EYA1: variants seen among roughly 807,000 people sequenced by gnomAD.
EYA1 encodes EYA transcriptional coactivator and phosphatase 1, also known as protein phosphatase EYA1.
Under a neutral mutation model 82.0 loss-of-function variants are expected in EYA1, and 16 were observed. The observed-to-expected ratio is 0.20, with a 90% confidence interval of 0.13 to 0.30. EYA1 has a LOEUF of 0.30. EYA1 is among the 10% of genes least tolerant of loss of function. The pLI is 1.00. For synonymous variants in EYA1, 261 were observed against 264.4 expected (o/e 0.99, Z 0.12); for missense variants, 633 against 730.7 (o/e 0.87, Z 1.54).
chr8:71,424,759 G>T (rs970136933), intron 2 of EYA1, among the ~76,000 whole-genome samples: 4 of 152,030 alleles, frequency 2.6e-5, no homozygotes, highest in Non-Finnish European at 5.9e-5. Flanking sequence ...TGACATTCCA[G>T]GTCTCTGTTC....
chr8:71,429,099 A>G (rs1461699811), intron 2 of EYA1, among the ~76,000 whole-genome samples: 1 of 152,146 alleles, frequency 6.6e-6, no homozygotes, highest in Non-Finnish European at 1.5e-5. Flanking sequence ...TTTAAATGCA[A>G]TGCCTCATAT....
intron 2 of EYA1, among the ~76,000 whole-genome samples, chr8:71,425,851 A>G (rs1349043641): frequency 6.6e-6 from 1 of 152,226 alleles, no homozygotes; most frequent in Non-Finnish European, 1.5e-5. Context: ...CAGCACTGAG[A>G]GGAGCCACTG....
intron 12 of EYA1, among the ~76,000 whole-genome samples, chr8:71,233,474 GA>G (rs758155676): frequency 2.7e-5 from 4 of 150,710 alleles, no homozygotes; most frequent in South Asian, 4.2e-4. Context: ...TGAGGCAGGA[GA>G]ATGGCATGAA....
chr8:71,383,159 C>A (rs1388932380), intron 2 of EYA1, among the ~76,000 whole-genome samples: 2 of 151,830 alleles, frequency 1.3e-5, no homozygotes, highest in Non-Finnish European at 2.9e-5. Context: ...ATTTACATGA[C>A]ATACCATTTT....
At chr8:71,414,852 C>G (rs1830776952) in intron 2 of EYA1, among the ~76,000 whole-genome samples, 1 of 152,180 alleles carries the variant, frequency 6.6e-6, no homozygotes. Flanking sequence ...TACAGAAAAT[C>G]TTTATGTGAT....
chr8:71,370,774 C>A (rs1026523798), intron 2 of EYA1, among the ~76,000 whole-genome samples: 3 of 151,690 alleles, frequency 2.0e-5, no homozygotes, highest in Non-Finnish European at 2.9e-5. Flanking sequence ...GCACTTACCA[C>A]CATGCCTAGC....
intron 2 of EYA1, among the ~76,000 whole-genome samples, chr8:71,530,273 C>T (rs1405187239): frequency 2.0e-5 from 3 of 152,128 alleles, no homozygotes; most frequent in Non-Finnish European, 2.9e-5. Context: ...CAAGGATGGC[C>T]GGTGCACTCC....
At chr8:71,464,270 A>G (rs1348514044) in intron 2 of EYA1, among the ~76,000 whole-genome samples, 18 of 152,156 alleles carry the variant, frequency 1.2e-4, no homozygotes, top group Admixed American at 1.2e-3. Flanking sequence ...TTGTATCTCA[A>G]AAAACTCACT....
intron 17 of EYA1, among the ~76,000 whole-genome samples, chr8:71,206,665 G>T (rs1162442186): frequency 6.6e-6 from 1 of 151,442 alleles, no homozygotes; most frequent in African/African-American, 2.4e-5. Context: ...TAGGTCTAAG[G>T]ATTCCTTCAT....
At chr8:71,267,653 G>T (rs1012409041) in intron 11 of EYA1, among the ~76,000 whole-genome samples, 2 of 152,062 alleles carry the variant, frequency 1.3e-5, no homozygotes, top group Admixed American at 6.5e-5. Context: ...GGTTCACGCC[G>T]TTCTCCTGCC....
chr8:71,512,400 GA>G (rs897931108), intron 2 of EYA1, among the ~76,000 whole-genome samples: 14 of 143,612 alleles, frequency 9.7e-5, no homozygotes, highest in African/African-American at 2.8e-4. Flanking sequence ...TTTCTTAAAA[GA>G]AAAAAAAAGC....
intron 2 of EYA1, among the ~76,000 whole-genome samples, chr8:71,370,684 C>G (rs1563544251): frequency 6.6e-6 from 1 of 152,042 alleles, no homozygotes. Flanking sequence ...TGCAGTGATG[C>G]AATCATGGCT....
At chr8:71,487,940 G>A (rs571338990) in intron 2 of EYA1, among the ~76,000 whole-genome samples, 4 of 152,100 alleles carry the variant, frequency 2.6e-5, no homozygotes, top group Non-Finnish European at 4.4e-5. Flanking sequence ...TACCCTAGGA[G>A]CAGCAGTTCA....
At chr8:71,306,545 G>A (rs553911686) in intron 7 of EYA1, among the ~76,000 whole-genome samples, 78 of 152,204 alleles carry the variant, frequency 5.1e-4, no homozygotes, top group Non-Finnish European at 9.0e-4. Context: ...GGGGTGCTCA[G>A]GAGAATATTA....
At chr8:71,242,773 C>CTTTTTTTT (rs35413533) in intron 12 of EYA1, among the ~76,000 whole-genome samples, 1 of 117,656 alleles carries the variant, frequency 8.5e-6, no homozygotes, top group African/African-American at 3.3e-5. Flanking sequence ...AGTTTTGGCA[C>CTTTTTTTT]TTTTTTTTTT....
At chr8:71,225,194 G>A (rs1434245249) in intron 12 of EYA1, 17 of 455,968 alleles carry the variant, frequency 3.7e-5, no homozygotes, top group South Asian at 6.2e-5. Context: ...CTAAGGGCAC[G>A]TCCAAGCCCT....
chr8:71,390,889 T>C (rs1386169345), intron 2 of EYA1, among the ~76,000 whole-genome samples: 4 of 152,308 alleles, frequency 2.6e-5, no homozygotes, highest in South Asian at 2.1e-4. Flanking sequence ...CTCTTTCCTT[T>C]GTCATCTCTA....
intron 2 of EYA1, among the ~76,000 whole-genome samples, chr8:71,461,422 G>A (rs1808353811): frequency 1.3e-5 from 2 of 152,154 alleles, no homozygotes; most frequent in African/African-American, 2.4e-5. Flanking sequence ...GCTGGACCAG[G>A]CACACCACAA....
chr8:71,218,248 C>T (rs1809454102), intron 12 of EYA1, among the ~76,000 whole-genome samples: 1 of 152,070 alleles, frequency 6.6e-6, no homozygotes, highest in South Asian at 2.1e-4. Flanking sequence ...AAATCTAGCC[C>T]ATCTCTCTAG....
Sources: allele counts gnomAD v4.1 joint callset (sites outside exome capture counted in the v4.1 genomes callset), GRCh38; gene constraint gnomAD v4.1.1; transcripts MANE v1.5; gene names NCBI Gene and HGNC (gene_info 2026-07-23, HGNC 2026-07-21).